Variants in SVIL observed in about 807,000 individuals in gnomAD.
The protein encoded by SVIL is archvillin.
Under a neutral mutation model 240.4 loss-of-function variants are expected in SVIL, and 101 were observed. The ratio of observed to expected loss-of-function variants is 0.42; its 90% CI spans 0.36 to 0.50. The LOEUF (loss-of-function observed/expected upper bound fraction) is 0.50, where lower values mean the gene tolerates loss of function less well. Ranked by LOEUF, SVIL falls within the 20% of genes least tolerant of loss-of-function variation. The pLI is 0.01. For missense variants in SVIL, 2,512 were observed against 2,818.7 expected, an observed-to-expected ratio of 0.89 and a Z score of 2.46; for synonymous variants, 999 against 1,100.0, an observed-to-expected ratio of 0.91 and a Z score of 1.82.
At chr10:29,584,205 A>G (rs2132773195) in intron 1 of SVIL, among the ~76,000 whole-genome samples, 1 of 152,288 alleles carries the variant, frequency 6.6e-6, no homozygotes. Context: ...TGGAACTGGG[A>G]AGAGGCCTAA....
chr10:29,469,101 CAATA>C (rs1317131953), intron 32 of SVIL: 3 of 152,158 alleles, frequency 2.0e-5, no homozygotes, highest in African/African-American at 4.8e-5. Context: ...ATCAGGTACT[CAATA>C]AATGTTTGTT....
chr10:29,715,924 G>C (rs1009173776), intron 1 of SVIL, among the ~76,000 whole-genome samples: 7 of 152,248 alleles, frequency 4.6e-5, no homozygotes, highest in Admixed American at 3.9e-4. Flanking sequence ...CTGAGGAACT[G>C]AATGTCAACT....
chr10:29,517,241 C>T (rs1950264384), intron 16 of SVIL, among the ~76,000 whole-genome samples: 1 of 151,734 alleles, frequency 6.6e-6, no homozygotes, highest in Non-Finnish European at 1.5e-5. Context: ...AGCAAGACCC[C>T]GTCTCTACAA....
At chr10:29,718,371 G>A (rs1048421872) in intron 1 of SVIL, among the ~76,000 whole-genome samples, 2 of 151,934 alleles carry the variant, frequency 1.3e-5, no homozygotes, top group African/African-American at 2.4e-5. Flanking sequence ...TTCTTAATGC[G>A]ATTACTAGGA....
chr10:29,720,775 A>T (rs1021818065), intron 1 of SVIL, among the ~76,000 whole-genome samples: 3 of 152,236 alleles, frequency 2.0e-5, no homozygotes, highest in Non-Finnish European at 2.9e-5. Flanking sequence ...TAATGTTCTT[A>T]TATGATATGT....
At chr10:29,583,556 T>A (rs1042373900) in intron 1 of SVIL, among the ~76,000 whole-genome samples, 1 of 152,122 alleles carries the variant, frequency 6.6e-6, no homozygotes, top group African/African-American at 2.4e-5. Context: ...CACCTCGGCC[T>A]CCTAGAGTGC....
upstream of SVIL, among the ~76,000 whole-genome samples, chr10:29,736,122 T>C (rs755032269): frequency 1.3e-5 from 2 of 151,682 alleles, no homozygotes; most frequent in Middle Eastern, 6.8e-3. Flanking sequence ...GGGACCACGC[T>C]GGGACGACTC....
intron 21 of SVIL, among the ~76,000 whole-genome samples, chr10:29,491,581 T>C (rs561538222): frequency 1.3e-5 from 2 of 152,254 alleles, no homozygotes; most frequent in East Asian, 3.9e-4. Context: ...GAAGACTATA[T>C]TGAAATAAAA....
At chr10:29,610,700 C>T (rs548572754) in intron 1 of SVIL, among the ~76,000 whole-genome samples, 200 of 152,274 alleles carry the variant, frequency 1.3e-3, no homozygotes, top group Non-Finnish European at 1.8e-3. Context: ...GGATTACAGG[C>T]GTGAGCCACT....
intron 1 of SVIL, among the ~76,000 whole-genome samples, chr10:29,618,686 C>G (rs564564390): frequency 6.6e-6 from 1 of 152,246 alleles, no homozygotes; most frequent in South Asian, 2.1e-4. Context: ...TGGACTACTC[C>G]TTTCCTTCCA....
intron 2 of SVIL, among the ~76,000 whole-genome samples, chr10:29,661,136 T>C (rs894009960): frequency 6.8e-6 from 1 of 146,412 alleles, no homozygotes; most frequent in African/African-American, 2.5e-5. Context: ...CACTGCACTC[T>C]AGCTTGGCGA....
intron 1 of SVIL, among the ~76,000 whole-genome samples, chr10:29,698,754 C>T (rs1962281072): frequency 6.7e-6 from 1 of 149,708 alleles, no homozygotes; most frequent in Non-Finnish European, 1.5e-5. Flanking sequence ...ATAAATCACA[C>T]ATTTTGTATC....
At chr10:29,646,840 A>G (rs1012199038) in intron 3 of SVIL, among the ~76,000 whole-genome samples, 8 of 152,156 alleles carry the variant, frequency 5.3e-5, no homozygotes, top group Admixed American at 4.6e-4. Flanking sequence ...GGGAGAGGAG[A>G]AGCAGGGAGT....
Position 29,465,534 on chromosome 10 carries a change from A to G in SVIL, c.6133+61T>C, listed in dbSNP as rs895933068. The G allele has an allele frequency of 4.6e-6, 7 of 1,536,898 alleles. No homozygotes were observed. In the African/African-American group the frequency reaches 9.8e-5, roughly 21 times the overall value. ...CTTAATAAATACCAACGTAAAATCA[A>G]AAGGCTTTCTGGAAGATGTGCCTTC... On this transcript the variant is annotated intron_variant, in intron 34 of 37. Coordinates refer to ENST00000355867, the MANE Select transcript of SVIL (RefSeq NM_021738.3).
intron 2 of SVIL, among the ~76,000 whole-genome samples, chr10:29,681,087 G>A (rs1960607249): frequency 6.6e-6 from 1 of 152,144 alleles, no homozygotes; most frequent in South Asian, 2.1e-4. Context: ...GTTCCCTGTG[G>A]AGGTGGGGCA....
At chr10:29,606,902 G>C (rs192562464) in intron 1 of SVIL, among the ~76,000 whole-genome samples, 2 of 152,000 alleles carry the variant, frequency 1.3e-5, no homozygotes, top group East Asian at 1.9e-4. Flanking sequence ...TTACAGCCAC[G>C]TGCCACCACA....
chr10:29,525,585 G>T (rs1950844935), intron 13 of SVIL, among the ~76,000 whole-genome samples: 1 of 152,150 alleles, frequency 6.6e-6, no homozygotes, highest in African/African-American at 2.4e-5. Flanking sequence ...GGGCGACAGA[G>T]CAAGACTCTG....
At chr10:29,721,104 TC>T (rs1963949597) in intron 1 of SVIL, among the ~76,000 whole-genome samples, 1 of 152,106 alleles carries the variant, frequency 6.6e-6, no homozygotes, top group Non-Finnish European at 1.5e-5. Flanking sequence ...CGCCTCAGCC[TC>T]CCAAAGTGCT....
intron 6 of SVIL, among the ~76,000 whole-genome samples, chr10:29,550,110 G>C (rs1953145735): frequency 6.6e-6 from 1 of 151,020 alleles, no homozygotes; most frequent in African/African-American, 2.4e-5. Flanking sequence ...GAGGCTTCCT[G>C]CTTTGGTAGA....
Sources: gnomAD v4.1 joint callset for allele counts (sites outside exome capture counted in the v4.1 genomes callset) on GRCh38, gnomAD v4.1.1 for gene constraint, MANE v1.5 for transcripts, NCBI Gene and HGNC (gene_info 2026-07-23, HGNC 2026-07-21) for gene names.